The following SLC17A5 variants were observed in gnomAD, a reference collection of about 807,000 sequenced individuals.
SLC17A5 encodes solute carrier family 17 member 5.
SLC17A5 carries 47 observed loss-of-function variants against 59.4 expected under a neutral mutation model. That is an observed-to-expected ratio of 0.79 (90% CI 0.63 to 1.01). The LOEUF (loss-of-function observed/expected upper bound fraction) is 1.01. Ranked by LOEUF, SLC17A5 falls within the 50% of genes least tolerant of loss-of-function variation. The probability of loss-of-function intolerance (pLI) is 0.00; values close to 1 mark genes in which losing one functional copy is unlikely to be tolerated. For synonymous variants in SLC17A5, 202 were observed against 210.7 expected (o/e 0.96, Z 0.36); for missense variants, 522 against 595.5 (o/e 0.88, Z 1.28).
At chr6:73,597,796 C>G (rs1342321484) in intron 10 of SLC17A5, among the ~76,000 whole-genome samples, 1 of 151,732 alleles carries the variant, frequency 6.6e-6, no homozygotes, top group East Asian at 1.9e-4. Flanking sequence ...AACAAAGAAA[C>G]AAACAAACAA....
chr6:73,633,885 A>T (rs1234565345), intron 6 of SLC17A5, among the ~76,000 whole-genome samples: 1 of 151,774 alleles, frequency 6.6e-6, no homozygotes, highest in African/African-American at 2.4e-5. Flanking sequence ...GTCTAAAAAA[A>T]AAAATAAATA....
chr6:73,612,548 T>A (rs1380231445), intron 8 of SLC17A5, among the ~76,000 whole-genome samples: 1 of 152,184 alleles, frequency 6.6e-6, no homozygotes, highest in Non-Finnish European at 1.5e-5. Context: ...AATGATTGTC[T>A]TAGACAGTTT....
chr6:73,614,034 G>A (rs546858190), intron 8 of SLC17A5, among the ~76,000 whole-genome samples: 1 of 152,336 alleles, frequency 6.6e-6, no homozygotes, highest in African/African-American at 2.4e-5. Flanking sequence ...GGGAGGCCAA[G>A]GCGGGCAGAT....
chr6:73,603,420 CTT>C (rs61490134), intron 9 of SLC17A5, among the ~76,000 whole-genome samples: 179 of 133,928 alleles, frequency 1.3e-3, no homozygotes, highest in Admixed American at 2.4e-3. Context: ...ATTGCTGCCT[CTT>C]TTTTTTTTTT....
At chr6:73,601,007 G>C (rs568971303) in intron 9 of SLC17A5, among the ~76,000 whole-genome samples, 1 of 127,224 alleles carries the variant, frequency 7.9e-6, no homozygotes, top group Admixed American at 8.1e-5. Context: ...GCCGCCCATC[G>C]TCTGGGAAGT....
rs474661 is a variant in SLC17A5, at chr6:73,621,716, G to A, written c.978+88C>T. On this transcript the variant is annotated intron_variant, in intron 7 of 10. Transcript: ENST00000355773. Reference sequence around the variant, plus strand: ...ACAGCAGAGTAAAATGGAAGATACAGAATAACTGAATTTTATACAGATGAG... The same window carrying A: ...ACAGCAGAGTAAAATGGAAGATACAAAATAACTGAATTTTATACAGATGAG... The A allele has an allele frequency of 0.099, 107,122 of 1,077,290 alleles. 8,084 individuals are homozygous for A. Among genetic ancestry groups the A allele is most frequent in the African/African-American group, 0.34 (21,535 of 62,894 alleles). The allele number at this position is 1,077,290 out of a possible 1,614,324, so 66.7% of individuals were successfully genotyped here. A position where few individuals can be genotyped will look rare whatever the true frequency, so the allele number is the denominator to read the frequency against.
chr6:73,635,088 T>TAA (rs145031223), intron 6 of SLC17A5: 1 of 168,394 alleles, frequency 5.9e-6, no homozygotes, highest in Non-Finnish European at 1.3e-5. Flanking sequence ...TTTATGTATT[T>TAA]AAAATTTTTT....
At chr6:73,601,613 AG>A (rs1368298354) in intron 9 of SLC17A5, among the ~76,000 whole-genome samples, 5 of 92,380 alleles carry the variant, frequency 5.4e-5, no homozygotes, top group Non-Finnish European at 8.8e-5. Flanking sequence ...CTGCCCGGCC[AG>A]CCGCCCCGTC....
intron 4 of SLC17A5, 46 bp from the exon 5 acceptor site, chr6:73,636,753 C>T: frequency 1.4e-6 from 2 of 1,380,302 alleles, no homozygotes; most frequent in South Asian, 1.2e-5. Flanking sequence ...GAGAGAGAAA[C>T]AAGGATAGGA....
chr6:73,608,056 C>T (rs960525101), intron 9 of SLC17A5, among the ~76,000 whole-genome samples: 6 of 152,124 alleles, frequency 3.9e-5, no homozygotes, highest in African/African-American at 1.2e-4. Context: ...GGATTACAGG[C>T]GTGAACTACC....
chr6:73,629,039 CAAAA>C (rs1223183650), intron 6 of SLC17A5, among the ~76,000 whole-genome samples: 1 of 152,144 alleles, frequency 6.6e-6, no homozygotes, highest in Non-Finnish European at 1.5e-5. Flanking sequence ...CGCAATGCTG[CAAAA>C]TTGTATACTC....
intron 6 of SLC17A5, among the ~76,000 whole-genome samples, chr6:73,627,980 G>C (rs982516966): frequency 2.0e-5 from 3 of 151,346 alleles, no homozygotes; most frequent in African/African-American, 7.3e-5. Flanking sequence ...GAGTGCAGAG[G>C]CGCGATCACG....
intron 9 of SLC17A5, among the ~76,000 whole-genome samples, chr6:73,601,997 G>GC (rs1561984919): frequency 6.6e-6 from 1 of 151,738 alleles, no homozygotes; most frequent in African/African-American, 2.4e-5. Context: ...GGAATAGAAA[G>GC]GGGGGAAAGG....
At chr6:73,651,992 A>G (rs1010557396) in intron 1 of SLC17A5, among the ~76,000 whole-genome samples, 15 of 42,608 alleles carry the variant, frequency 3.5e-4, no homozygotes. Flanking sequence ...CCATGAATTG[A>G]TAACTTTAAT....
chr6:73,645,505 T>G (rs1464337823), intron 1 of SLC17A5: 1 of 984,326 alleles, frequency 1.0e-6, no homozygotes, highest in African/African-American at 1.8e-5. Flanking sequence ...AAAAAAAGGA[T>G]GCCGGGCACA....
chr6:73,629,551 T>A (rs1362125097), intron 6 of SLC17A5, among the ~76,000 whole-genome samples: 3 of 152,240 alleles, frequency 2.0e-5, no homozygotes, highest in Admixed American at 2.0e-4. Context: ...AGCTGGTAGA[T>A]CACCTGAGGT....
At chr6:73,648,418 G>A (rs930946495) in intron 1 of SLC17A5, among the ~76,000 whole-genome samples, 1 of 152,230 alleles carries the variant, frequency 6.6e-6, no homozygotes, top group Non-Finnish European at 1.5e-5. Flanking sequence ...AGGAATGTGT[G>A]TGGGTGTAAC....
At chr6:73,633,954 T>C (rs1007716368) in intron 6 of SLC17A5, among the ~76,000 whole-genome samples, 2 of 152,158 alleles carry the variant, frequency 1.3e-5, no homozygotes, top group African/African-American at 4.8e-5. Context: ...ATATTTTATG[T>C]TCTTAAACTA....
At chr6:73,612,609 C>A (rs888532160) in intron 8 of SLC17A5, among the ~76,000 whole-genome samples, 10 of 152,080 alleles carry the variant, frequency 6.6e-5, no homozygotes, top group Non-Finnish European at 5.9e-5. Flanking sequence ...GGGTATTGCT[C>A]TGTTGCCTAG....
Sources: allele counts gnomAD v4.1 joint callset (sites outside exome capture counted in the v4.1 genomes callset), GRCh38; gene constraint gnomAD v4.1.1; transcripts MANE v1.5; gene names NCBI Gene and HGNC (gene_info 2026-07-23, HGNC 2026-07-21).